Variants in TSC1 observed in about 807,000 individuals in gnomAD.
The protein encoded by TSC1 is hamartin.
In TSC1, 20 loss-of-function variants were observed where a neutral mutation model predicts 124.3. The ratio of observed to expected loss-of-function variants is 0.16; its 90% confidence interval spans 0.11 to 0.23. The LOEUF is 0.23. TSC1 is among the 10% of genes least tolerant of loss of function. The pLI, the probability that TSC1 is intolerant of heterozygous loss-of-function variation, is 1.00. For missense variants in TSC1, 1,124 were observed against 1,448.5 expected (o/e 0.78, Z 3.64); for synonymous variants, 493 against 539.1 (o/e 0.91, Z 1.19).
chr9:132,925,704 T>C lies in TSC1; in HGVS notation c.246A>G (p.Lys82=), dbSNP rs1196371337. The C allele has an allele frequency of 6.2e-7, 1 of 1,614,080 alleles. No homozygotes were observed. The highest frequency in any genetic ancestry group is 8.5e-7 in the Non-Finnish European group (1 of 1,180,052). ...AGAGGATGGATAAACGAGTGGCGGC[T>C]TTGCCCACATATTCGTTAATCCTGT... ...LLDRINEYVG[K]AATRLSILSL... is the part of the protein sequence containing the mutation. The change falls in exon 5 of 23, where the codon AAA becomes AAG. Residue 82 remains lysine, a synonymous_variant. Transcript: ENST00000298552.
rs745640752 is a variant in TSC1 at position 132,912,425 on chromosome 9, A to G, written c.770T>C (p.Ile257Thr). The change falls in exon 9 of 23, where the codon ATC becomes ACC. Residue 257 changes from isoleucine to threonine, a missense_variant. Ile to Thr is a moderately conservative substitution (Grantham distance 89, BLOSUM62 -1). Around this residue, in one of 5 missense-constraint regions of TSC1, gnomAD observed 463 missense variants for 606.8 expected, o/e 0.76. Coordinates refer to ENST00000298552, the MANE Select transcript of TSC1 (RefSeq NM_000368.5). ...WKRLETHDVV[I>T]ECAKISLDPT... is the part of the protein sequence containing the mutation. ...ATCCAGAGAGATTTTGGCACACTCGATCACAACATCATGAGTTTCTAATCT... is the reference window on the plus strand; with the variant it reads ...ATCCAGAGAGATTTTGGCACACTCGGTCACAACATCATGAGTTTCTAATCT... The G allele has an allele frequency of 1.2e-6, 2 of 1,614,226 alleles. No individual in the cohort carries two copies. The highest frequency in any genetic ancestry group is 2.2e-5 in the South Asian group (2 of 91,090).
intron 11 of TSC1, 72 bp from the exon 12 acceptor site, chr9:132,910,764 CCTATAA>C: frequency 6.3e-7 from 1 of 1,599,216 alleles, no homozygotes; most frequent in South Asian, 1.1e-5. Context: ...TTTTTTTCAG[CCTATAA>C]CTATTACTAT....
In TSC1 at chr9:132,900,780, C is replaced by T. The variant is rs746215028; in HGVS notation, c.2560G>A (p.Val854Ile). Residue 854 changes from valine to isoleucine, a missense_variant, in exon 20 of 23, where the codon GTT becomes ATT. By Grantham distance (29) the Val-to-Ile change is conservative. This residue lies in a region of TSC1 where 6 missense variants were observed against 26.6 expected (regional missense o/e 0.23). Transcript: ENST00000298552. ...TAGAGCTCGTTGACCTCCCCAAGAA[C>T]CAACAGCTGCCTGTTCAAGAACTCC... ...QMEFLNRQLL[V>I]LGEVNELYLE... The T allele has an allele frequency of 6.2e-7, 1 of 1,614,176 alleles. No individual in the cohort carries two copies.
intron 8 of TSC1, 110 bp from the exon 9 acceptor site, chr9:132,912,567 G>A (rs1456212904): frequency 6.2e-6 from 8 of 1,281,818 alleles, no homozygotes; most frequent in African/African-American, 2.9e-5. Context: ...AAGAACAAGC[G>A]GGACCATGCC....
chr9:132,925,422 T>C (rs1035986368), intron 5 of TSC1, among the ~76,000 whole-genome samples, 165 bp downstream of exon 5: 2 of 152,242 alleles, frequency 1.3e-5, no homozygotes, highest in Admixed American at 1.3e-4. Context: ...ATTTGAGAAC[T>C]TACTAAGTAC....
Position 132,907,114 on chromosome 9 carries a change from T to C in TSC1, c.1333+187A>G, listed in dbSNP as rs114683952. Among the ~76,000 whole-genome samples, 1,306 of 152,332 alleles carry C rather than the reference T, an allele frequency of 8.6e-3. 6 individuals are homozygous for C. Among genetic ancestry groups the C allele is most frequent in the African/African-American group, 0.022 (934 of 41,574 alleles). ...TCAGAATACAGGTACTTCACTGCAA[T>C]AGCTTAAAAACTGTTTTTGATATTA... On this transcript the variant is annotated intron_variant, in intron 13 of 22. Coordinates refer to ENST00000298552, the MANE Select transcript of TSC1 (RefSeq NM_000368.5).
intron 19 of TSC1, 146 bp from the exon 20 acceptor site, chr9:132,900,983 A>G: frequency 8.4e-7 from 1 of 1,183,532 alleles, no homozygotes; most frequent in Non-Finnish European, 1.2e-6. Flanking sequence ...TCCCTGACAT[A>G]ATGGCAGGTG....
intron 8 of TSC1, among the ~76,000 whole-genome samples, chr9:132,919,116 A>G (rs560541896): frequency 2.6e-4 from 40 of 152,350 alleles, no homozygotes; most frequent in African/African-American, 7.9e-4. Flanking sequence ...ATGGTACTGT[A>G]CTAAAGACTG....
upstream of TSC1, chr9:132,944,946 C>A (rs1038329678): frequency 1.1e-5 from 2 of 184,778 alleles, no homozygotes; most frequent in African/African-American, 4.8e-5. Flanking sequence ...GCGGGGCGGG[C>A]GGTCACGTGA....
In TSC1 at chr9:132,906,382, CA is replaced by C; in HGVS notation, c.1439-244del. 1 of 571,756 alleles carries C rather than the reference CA, an allele frequency of 1.7e-6. No individual in the cohort carries two copies. The highest frequency in any genetic ancestry group is 3.1e-6 in the Non-Finnish European group (1 of 321,706). 35.4% of individuals were successfully genotyped at this position (571,756 alleles called of 1,614,324 possible). Reference sequence around the variant, plus strand: ...ACAACATAGGGAGATCCCATCTCTACAAAAAATACAATAAAAATCAGCTGAG... The same window carrying C: ...ACAACATAGGGAGATCCCATCTCTACAAAAATACAATAAAAATCAGCTGAG... On this transcript the variant is annotated intron_variant, in intron 14 of 22. Transcript: ENST00000298552. The surrounding 1 kb of genome is among the most constrained non-coding windows in gnomAD (Gnocchi z 4.1).
rs199774852 is a variant in TSC1, at chr9:132,903,845, A to C, written c.2042-28T>G. The C allele has an allele frequency of 3.7e-5, 59 of 1,613,258 alleles. No individual in the cohort carries two copies. In the Admixed American group the frequency reaches 9.5e-4, roughly 26 times the overall value. On this transcript the variant is annotated intron_variant, in intron 16 of 22. Coordinates refer to ENST00000298552, the MANE Select transcript of TSC1 (RefSeq NM_000368.5). This position sits in a 1 kb window ranked among gnomAD's most constrained non-coding sequence, Gnocchi z 5.9. ...GATTGTAAAGCAGAGGGAGGGTGGC[A>C]GAAATGCCTTTTACAGATGGTTCAA...
Position 132,896,648 on chromosome 9 carries a change from C to T in TSC1, c.3082G>A (p.Gly1028Ser), listed in dbSNP as rs2131610913. 1 of 1,614,044 alleles carries T rather than the reference C, an allele frequency of 6.2e-7. No individual in the cohort carries two copies. Among genetic ancestry groups the T allele is most frequent in the African/African-American group, 1.3e-5 (1 of 75,034 alleles). ...TKTPRPSSAR[G>S]SSGSRGGGGS... The stretch of plus-strand genomic sequence containing the variant: ...CCACCACCTCTGCTTCCACTACTGC[C>T]CCGGGCGCTGCTGGGCCTGGGGGTC... The change falls in exon 23 of 23, where the codon GGC (glycine) becomes AGC (serine). Residue 1028 changes from glycine (G) to serine (S), a missense_variant. Physicochemically the swap from Gly to Ser is moderately conservative, Grantham distance 56. Around this residue, in one of 5 missense-constraint regions of TSC1, gnomAD observed 325 missense variants for 383.4 expected, o/e 0.85. Transcript: ENST00000298552. This position sits in a 1 kb window ranked among gnomAD's most constrained non-coding sequence, Gnocchi z 4.5.
chr9:132,936,276 G>A (rs1470534066), intron 1 of TSC1, among the ~76,000 whole-genome samples: 3 of 151,960 alleles, frequency 2.0e-5, no homozygotes, highest in African/African-American at 7.3e-5. Flanking sequence ...CACCAGGCCC[G>A]ACTAATCGGT....
intron 1 of TSC1, among the ~76,000 whole-genome samples, chr9:132,939,661 T>G (rs944629970): frequency 2.0e-5 from 3 of 152,342 alleles, no homozygotes; most frequent in South Asian, 4.1e-4. Context: ...ACAGATACCA[T>G]GTATATTTCA....
At chr9:132,943,875 T>G (rs1168944222) in intron 1 of TSC1, 1 of 152,154 alleles carries the variant, frequency 6.6e-6, no homozygotes, top group Non-Finnish European at 1.5e-5. Flanking sequence ...AGGCTCTTCA[T>G]CCTCCAGTTC....
chr9:132,930,828 T>A (rs1166698915), intron 2 of TSC1, among the ~76,000 whole-genome samples: 7 of 152,326 alleles, frequency 4.6e-5, no homozygotes, highest in Middle Eastern at 6.8e-3. Context: ...AGGAAGTTGC[T>A]GACTCATATC....
intron 15 of TSC1, 120 bp downstream of exon 15, chr9:132,905,461 A>C: frequency 7.1e-7 from 1 of 1,399,920 alleles, no homozygotes; most frequent in Non-Finnish European, 1.0e-6. Flanking sequence ...GACAAACAGC[A>C]GAGAACCAGC....
Position 132,895,935 on chromosome 9 carries a change from AT to A in TSC1, c.*299del. 2.2e-6 allele frequency: 1 copy of A among 452,506 alleles called. No homozygotes were observed. The allele number at this position is 452,506 out of a possible 1,614,324, so 28.0% of individuals were successfully genotyped here. ...TTGCACAGGTTCAAAGGACGCAACC[AT>A]TTGGGGGGGAAAGGAAGAAAGTAAA... On this transcript the variant is annotated 3_prime_UTR_variant, in exon 23 of 23. Coordinates refer to ENST00000298552, the MANE Select transcript of TSC1 (RefSeq NM_000368.5).
At chr9:132,925,448 T>C in intron 5 of TSC1, 139 bp downstream of exon 5, 2 of 986,462 alleles carry the variant, frequency 2.0e-6, no homozygotes, top group East Asian at 5.1e-5. Flanking sequence ...CTGGACAACA[T>C]TCTATTTGAG....
Sources: gnomAD v4.1 joint callset for allele counts (sites outside exome capture counted in the v4.1 genomes callset) on GRCh38, gnomAD v4.1.1 for gene constraint, gnomAD v4.1.1 regional missense constraint, Gnocchi (gnomAD v3.1) non-coding constraint, MANE v1.5 for transcripts, NCBI Gene and HGNC (gene_info 2026-07-23, HGNC 2026-07-21) for gene names.